CADM2: variants seen among roughly 807,000 people sequenced by gnomAD.
CADM2 encodes the protein immunoglobulin superfamily member 4D.
Under a neutral mutation model 49.8 loss-of-function variants are expected in CADM2, and 12 were observed. The ratio of observed to expected loss-of-function variants is 0.24; its 90% confidence interval spans 0.15 to 0.39. The LOEUF (loss-of-function observed/expected upper bound fraction) is 0.39. Among genes scored for constraint, CADM2 ranks in the 10% least tolerant of loss-of-function variants. The probability of loss-of-function intolerance (pLI) is 1.00; values close to 1 mark genes in which losing one functional copy is unlikely to be tolerated. For synonymous variants in CADM2, 214 were observed against 175.4 expected (o/e 1.22, Z -1.74); for missense variants, 378 against 492.3 (o/e 0.77, Z 2.20).
chr3:85,040,236 T>C (rs1188357544), intron 1 of CADM2, among the ~76,000 whole-genome samples: 1 of 152,210 alleles, frequency 6.6e-6, no homozygotes, highest in Non-Finnish European at 1.5e-5. Flanking sequence ...CTGAAATCAC[T>C]AAACCTATAA....
intron 1 of CADM2, among the ~76,000 whole-genome samples, chr3:85,646,822 G>A (rs1300031507): frequency 1.3e-5 from 2 of 151,920 alleles, no homozygotes; most frequent in African/African-American, 2.4e-5. Context: ...CTGCCAATGT[G>A]TCTTGTTGAT....
At chr3:85,653,608 T>G (rs2065117591) in intron 1 of CADM2, among the ~76,000 whole-genome samples, 1 of 152,004 alleles carries the variant, frequency 6.6e-6, no homozygotes, top group Non-Finnish European at 1.5e-5. Context: ...TTTATGATAT[T>G]TTTTAAATAT....
chr3:86,013,672 T>C (rs1731833994), intron 8 of CADM2: 1 of 1,602,264 alleles, frequency 6.2e-7, no homozygotes, highest in African/African-American at 1.3e-5. Flanking sequence ...CACCTAACTG[T>C]GTTGGTGGGG....
At chr3:85,676,280 C>T (rs558015787) in intron 1 of CADM2, among the ~76,000 whole-genome samples, 10 of 152,216 alleles carry the variant, frequency 6.6e-5, no homozygotes, top group African/African-American at 2.4e-4. Flanking sequence ...CCTTAATGAT[C>T]TTTTTTGTCT....
At chr3:85,036,570 G>C (rs542222895) in intron 1 of CADM2, among the ~76,000 whole-genome samples, 1 of 152,104 alleles carries the variant, frequency 6.6e-6, no homozygotes, top group East Asian at 1.9e-4. Flanking sequence ...TGCCTATTAG[G>C]TTGGTGCAAA....
At chr3:85,011,110 C>T (rs1215009553) in intron 1 of CADM2, among the ~76,000 whole-genome samples, 4 of 151,958 alleles carry the variant, frequency 2.6e-5, no homozygotes, top group Non-Finnish European at 5.9e-5. Flanking sequence ...GTGATCCGCC[C>T]GCCTCAGCCT....
At chr3:85,128,545 G>A (rs965277869) in intron 1 of CADM2, among the ~76,000 whole-genome samples, 1 of 152,146 alleles carries the variant, frequency 6.6e-6, no homozygotes, top group African/African-American at 2.4e-5. Context: ...AGTTTAATTT[G>A]TGTTGTAAAG....
At chr3:85,429,536 G>C (rs1030719) in intron 1 of CADM2, among the ~76,000 whole-genome samples, 131,322 of 152,014 alleles carry the variant, frequency 0.86, 56,867 homozygotes, top group East Asian at 0.95. Context: ...AGTTATTCTT[G>C]TATAAAATGA....
intron 1 of CADM2, among the ~76,000 whole-genome samples, chr3:85,563,815 A>G (rs959531885): frequency 3.3e-5 from 5 of 152,124 alleles, no homozygotes; most frequent in Admixed American, 6.6e-5. Context: ...AAGGACTATC[A>G]TGTGTGTTGA....
intron 1 of CADM2, among the ~76,000 whole-genome samples, chr3:85,515,771 T>G (rs1039225596): frequency 2.6e-5 from 4 of 151,700 alleles, no homozygotes; most frequent in African/African-American, 9.7e-5. Flanking sequence ...GCCACTGTGC[T>G]TGGCCCTAAG....
intron 1 of CADM2, among the ~76,000 whole-genome samples, chr3:85,335,336 A>C (rs1279160309): frequency 1.3e-5 from 2 of 151,330 alleles, no homozygotes; most frequent in Admixed American, 1.3e-4. Context: ...TCCAATAAAC[A>C]CTTTATTTGA....
intron 1 of CADM2, among the ~76,000 whole-genome samples, chr3:85,192,599 CAT>C (rs71859231): frequency 0.97 from 141,860 of 146,772 alleles, 68,554 homozygotes; most frequent in East Asian, 1. Context: ...TATATGAATT[CAT>C]ATATATATAT....
intron 8 of CADM2, among the ~76,000 whole-genome samples, chr3:86,035,022 T>G (rs1205091265): frequency 1.3e-5 from 2 of 152,052 alleles, no homozygotes; most frequent in Non-Finnish European, 2.9e-5. Context: ...CTACATGTAG[T>G]CTTCATGTTA....
At chr3:85,652,840 T>TGACAC in intron 1 of CADM2, among the ~76,000 whole-genome samples, 1 of 139,052 alleles carries the variant, frequency 7.2e-6, no homozygotes, top group Middle Eastern at 3.5e-3. Flanking sequence ...TGCAATGACA[T>TGACAC]GATCTCGGTT....
chr3:85,199,370 T>TGAGAGAGAGAGAGAGAGAGAGAGAGAGA (rs59939815), intron 1 of CADM2, among the ~76,000 whole-genome samples: 1 of 140,104 alleles, frequency 7.1e-6, no homozygotes, highest in African/African-American at 2.8e-5. Context: ...TGTGTGTGTA[T>TGAGAGAGAGAGAGAGAGAGAGAGAGAGA]GAGAGAGAGA....
intron 1 of CADM2, among the ~76,000 whole-genome samples, chr3:85,556,300 C>T (rs2107150051): frequency 6.6e-6 from 1 of 152,024 alleles, no homozygotes; most frequent in South Asian, 2.1e-4. Context: ...TGTCGTTTTC[C>T]TGTTGAATAG....
intron 1 of CADM2, among the ~76,000 whole-genome samples, chr3:85,179,689 G>A (rs933284149): frequency 2.0e-5 from 3 of 152,166 alleles, no homozygotes; most frequent in Non-Finnish European, 2.9e-5. Context: ...TTAAAACATG[G>A]TTTTTGGATA....
At chr3:85,355,281 G>A (rs1486260473) in intron 1 of CADM2, among the ~76,000 whole-genome samples, 1 of 151,938 alleles carries the variant, frequency 6.6e-6, no homozygotes, top group Admixed American at 6.6e-5. Flanking sequence ...TTTCAGAGCT[G>A]GCTTCTCCTT....
intron 1 of CADM2, among the ~76,000 whole-genome samples, chr3:85,236,464 T>A (rs73845411): frequency 0.04 from 6,133 of 152,114 alleles, 151 homozygotes; most frequent in Middle Eastern, 0.082. Context: ...ATGATTTCAA[T>A]TGCATATTTT....
Sources: gnomAD v4.1 joint callset for allele counts (sites outside exome capture counted in the v4.1 genomes callset) on GRCh38, gnomAD v4.1.1 for gene constraint, MANE v1.5 for transcripts, NCBI Gene and HGNC (gene_info 2026-07-23, HGNC 2026-07-21) for gene names.